Variants in CRPPA observed in about 807,000 individuals in gnomAD.
CRPPA encodes the protein D-ribitol-5-phosphate cytidylyltransferase.
Under a neutral mutation model 52.0 loss-of-function variants are expected in CRPPA, and 43 were observed. The observed-to-expected ratio is 0.83, with a 90% CI of 0.65 to 1.07. CRPPA has a LOEUF of 1.07. Among genes scored for constraint, CRPPA ranks in the 50% least tolerant of loss-of-function variants. The probability of loss-of-function intolerance (pLI) is 0.00; values close to 1 mark genes in which losing one functional copy is unlikely to be tolerated. For missense variants in CRPPA, 629 were observed against 551.7 expected (o/e 1.14, Z -1.40); for synonymous variants, 250 against 203.5 (o/e 1.23, Z -1.94).
chr7:16,213,369 A>C (rs1005962620), intron 9 of CRPPA, among the ~76,000 whole-genome samples: 15 of 152,244 alleles, frequency 9.9e-5, no homozygotes, highest in Middle Eastern at 3.4e-3. Flanking sequence ...TTTGTTACCA[A>C]AAAATTTCAT....
intron 9 of CRPPA, among the ~76,000 whole-genome samples, chr7:16,160,708 G>A (rs879376966): frequency 6.6e-6 from 1 of 152,150 alleles, no homozygotes; most frequent in Non-Finnish European, 1.5e-5. Flanking sequence ...AAGAAAGTCA[G>A]TGGTAGCTTG....
chr7:16,274,935 C>T (rs1283932173), intron 6 of CRPPA, among the ~76,000 whole-genome samples: 1 of 152,004 alleles, frequency 6.6e-6, no homozygotes, highest in Non-Finnish European at 1.5e-5. Flanking sequence ...AAGCCAAAAA[C>T]CTATAGACAT....
chr7:16,350,361 G>C lies in CRPPA; in HGVS notation c.684+25731C>G, dbSNP rs181243893. On this transcript the variant is annotated intron_variant, in intron 3 of 9. Transcript: ENST00000407010. ...AAATCCAAAACACTAATACGGTAAT[G>C]GCAATAAGTCAGTTATATCTGTAGT... 2.0e-5 allele frequency among the ~76,000 whole-genome samples: 3 copies of C among 152,088 alleles called. No individual in the cohort carries two copies. The East Asian group carries it at 5.8e-4, about 29-fold the overall frequency.
chr7:16,358,478 C>T (rs1201767105), intron 3 of CRPPA, among the ~76,000 whole-genome samples: 3 of 152,144 alleles, frequency 2.0e-5, no homozygotes, highest in Admixed American at 1.3e-4. Context: ...CTCTTCACTG[C>T]CTTTATACAA....
chr7:16,232,095 C>A (rs1011836723), intron 8 of CRPPA, among the ~76,000 whole-genome samples: 1 of 152,166 alleles, frequency 6.6e-6, no homozygotes, highest in South Asian at 2.1e-4. Context: ...CTCATACAGA[C>A]AGCAGAGAAC....
At chr7:16,153,158 G>A (rs1225613121) in intron 9 of CRPPA, among the ~76,000 whole-genome samples, 1 of 151,904 alleles carries the variant, frequency 6.6e-6, no homozygotes, top group African/African-American at 2.4e-5. Flanking sequence ...TTATCAAATT[G>A]AATAAAAATT....
chr7:16,399,909 CGT>C (rs373614679), intron 2 of CRPPA, among the ~76,000 whole-genome samples: 108 of 152,092 alleles, frequency 7.1e-4, no homozygotes, highest in Non-Finnish European at 1.2e-3. Context: ...GTGATCAACA[CGT>C]GTGTGACAGG....
intron 9 of CRPPA, among the ~76,000 whole-genome samples, chr7:16,175,445 T>C (rs537946247): frequency 7.0e-4 from 107 of 152,284 alleles, no homozygotes; most frequent in African/African-American, 2.4e-3. Flanking sequence ...CTATTTTAAG[T>C]GCATGCATTA....
chr7:16,339,424 A>G (rs1030800138), intron 3 of CRPPA, among the ~76,000 whole-genome samples: 1 of 152,202 alleles, frequency 6.6e-6, no homozygotes, highest in African/African-American at 2.4e-5. Flanking sequence ...TGTAATAACA[A>G]TAAGCTGAAG....
At chr7:16,094,700 T>C (rs1781902475) in intron 9 of CRPPA, among the ~76,000 whole-genome samples, 1 of 152,132 alleles carries the variant, frequency 6.6e-6, no homozygotes, top group African/African-American at 2.4e-5. Context: ...AAAATCATGC[T>C]GATAGTATAC....
intron 9 of CRPPA, among the ~76,000 whole-genome samples, chr7:16,107,444 C>G (rs1368956369): frequency 1.3e-5 from 2 of 151,514 alleles, no homozygotes; most frequent in Non-Finnish European, 2.9e-5. Context: ...ACCTTGTATG[C>G]CAGGAGAAAA....
chr7:16,120,567 A>G (rs931272347), intron 9 of CRPPA, among the ~76,000 whole-genome samples: 2 of 152,158 alleles, frequency 1.3e-5, no homozygotes, highest in South Asian at 2.1e-4. Context: ...AAAAAGCTAT[A>G]ACATCATTGT....
intron 9 of CRPPA, among the ~76,000 whole-genome samples, chr7:16,103,307 G>T (rs1782086516): frequency 6.6e-6 from 1 of 152,072 alleles, no homozygotes; most frequent in South Asian, 2.1e-4. Flanking sequence ...CCTGTTGGTG[G>T]GTGTGGGACT....
chr7:16,292,321 G>A (rs1784580111), intron 5 of CRPPA, among the ~76,000 whole-genome samples: 1 of 151,878 alleles, frequency 6.6e-6, no homozygotes, highest in South Asian at 2.1e-4. Flanking sequence ...AACTTCTCAG[G>A]AGGTCAGTTG....
chr7:16,123,402 G>A (rs1305391133), intron 9 of CRPPA, among the ~76,000 whole-genome samples: 1 of 151,974 alleles, frequency 6.6e-6, no homozygotes, highest in Non-Finnish European at 1.5e-5. Flanking sequence ...AAGTCCAAAG[G>A]CAAACTATGT....
chr7:16,169,303 G>A (rs1195043614), intron 9 of CRPPA, among the ~76,000 whole-genome samples: 2 of 152,086 alleles, frequency 1.3e-5, no homozygotes, highest in African/African-American at 4.8e-5. Flanking sequence ...TTAAGAACAA[G>A]AAATGATGAA....
chr7:16,109,933 T>C (rs2128366685), intron 9 of CRPPA, among the ~76,000 whole-genome samples: 1 of 152,112 alleles, frequency 6.6e-6, no homozygotes, highest in African/African-American at 2.4e-5. Flanking sequence ...TTATAGAATA[T>C]TGGAAGTCCC....
chr7:16,350,579 C>T (rs995525745), intron 3 of CRPPA, among the ~76,000 whole-genome samples: 1 of 151,962 alleles, frequency 6.6e-6, no homozygotes, highest in African/African-American at 2.4e-5. Flanking sequence ...ATGTAAGCCT[C>T]AAGGTAACAA....
intron 2 of CRPPA, among the ~76,000 whole-genome samples, chr7:16,387,086 T>TATACAC (rs1214967656): frequency 5.4e-5 from 3 of 55,808 alleles, no homozygotes; most frequent in South Asian, 5.3e-4. Flanking sequence ...TATATATATA[T>TATACAC]ACACACATAT....
Sources: allele counts gnomAD v4.1 joint callset (sites outside exome capture counted in the v4.1 genomes callset), GRCh38; gene constraint gnomAD v4.1.1; transcripts MANE v1.5; gene names NCBI Gene and HGNC (gene_info 2026-07-23, HGNC 2026-07-21).